CACNA1E: variants seen among roughly 807,000 people sequenced by gnomAD.
CACNA1E encodes voltage-dependent R-type calcium channel subunit alpha-1E.
Under a neutral mutation model 259.2 loss-of-function variants are expected in CACNA1E, and 40 were observed. The observed-to-expected ratio is 0.15, with a 90% confidence interval of 0.12 to 0.20. CACNA1E has a LOEUF of 0.20. CACNA1E is among the 10% of genes least tolerant of loss of function. The probability of loss-of-function intolerance (pLI) is 1.00; values close to 1 mark genes in which losing one functional copy is unlikely to be tolerated. For missense variants in CACNA1E, 1,874 were observed against 3,040.1 expected (o/e 0.62, Z 9.02); for synonymous variants, 1,104 against 1,138.5 (o/e 0.97, Z 0.61).
At chr1:181,750,966 T>C (rs548370800) in intron 26 of CACNA1E, among the ~76,000 whole-genome samples, 9 of 149,894 alleles carry the variant, frequency 6.0e-5, no homozygotes, top group Middle Eastern at 3.4e-3. Context: ...TGGACTTTTA[T>C]CTCCCTGTCA....
chr1:181,755,481 T>G, intron 28 of CACNA1E, 84 bp downstream of exon 28: 1 of 1,035,644 alleles, frequency 9.7e-7, no homozygotes, highest in Admixed American at 1.9e-5. Flanking sequence ...CCACCCTCCC[T>G]CCTTTCTATC....
intron 6 of CACNA1E, among the ~76,000 whole-genome samples, chr1:181,633,737 C>T (rs1656958941): frequency 6.6e-6 from 1 of 152,192 alleles, no homozygotes; most frequent in Admixed American, 6.5e-5. Flanking sequence ...AGTAATCTGC[C>T]TGCCTTGGCC....
chr1:181,643,671 T>C (rs996387299), intron 6 of CACNA1E, among the ~76,000 whole-genome samples: 2 of 152,042 alleles, frequency 1.3e-5, no homozygotes, highest in Non-Finnish European at 2.9e-5. Context: ...CTTTCTGTGC[T>C]CCTCCTCTTT....
chr1:181,484,441 C>T (rs1663600406), intron 1 of CACNA1E, among the ~76,000 whole-genome samples: 1 of 152,362 alleles, frequency 6.6e-6, no homozygotes, highest in East Asian at 1.9e-4. Flanking sequence ...AGACACCGCA[C>T]TGTCTTCCTG....
At chr1:181,566,290 T>A (rs537446295) in intron 3 of CACNA1E, among the ~76,000 whole-genome samples, 1 of 152,336 alleles carries the variant, frequency 6.6e-6, no homozygotes, top group Admixed American at 6.5e-5. Context: ...AGTTTCTCTC[T>A]CTGAACCTTA....
At chr1:181,666,139 G>A (rs1648200628) in intron 7 of CACNA1E, among the ~76,000 whole-genome samples, 1 of 152,064 alleles carries the variant, frequency 6.6e-6, no homozygotes, top group South Asian at 2.1e-4. Flanking sequence ...CTTTTTAAAT[G>A]TTCTCCCTGC....
chr1:181,764,197 C>T (rs928869592), intron 34 of CACNA1E, among the ~76,000 whole-genome samples: 8 of 152,234 alleles, frequency 5.3e-5, no homozygotes, highest in South Asian at 4.2e-4. Flanking sequence ...AGCTGAGACC[C>T]AGACTTTGAG....
At chr1:181,552,498 TC>T (rs1481745462) in intron 3 of CACNA1E, among the ~76,000 whole-genome samples, 1 of 151,996 alleles carries the variant, frequency 6.6e-6, no homozygotes, top group Non-Finnish European at 1.5e-5. Flanking sequence ...TAATCACTGA[TC>T]TTTTTTTTTT....
intron 1 of CACNA1E, among the ~76,000 whole-genome samples, chr1:181,489,150 C>A (rs1664097204): frequency 6.6e-6 from 1 of 152,156 alleles, no homozygotes; most frequent in Non-Finnish European, 1.5e-5. Context: ...TCAATGGTGA[C>A]TCTGCTGATC....
At position 181,733,503 on chromosome 1, in the gene CACNA1E, C is replaced by T. The variant is rs373175706; in HGVS notation, c.3015C>T (p.Pro1005=). The T allele has an allele frequency of 1.5e-5, 24 of 1,601,424 alleles. No homozygotes were observed. The highest frequency in any genetic ancestry group is 1.7e-4 in the Middle Eastern group (1 of 5,982). ...GAGGCCTTGATGAGGCTGACACCCC[C>T]CTAGTCCTGCCCCATCCTGAGCTGG... ...LAGGLDEADT[P]LVLPHPELEV... Residue 1005 remains proline (P), a synonymous_variant, in exon 21 of 48, where the codon CCC becomes CCT. Transcript: ENST00000367573.
At chr1:181,744,392 G>A (rs1269054052) in intron 25 of CACNA1E, among the ~76,000 whole-genome samples, 1 of 152,206 alleles carries the variant, frequency 6.6e-6, no homozygotes, top group Non-Finnish European at 1.5e-5. Context: ...TGAGGTGGGA[G>A]GATTGTTTAA....
chr1:181,449,673 C>T (rs745675761), intron 2 of CACNA1E, among the ~76,000 whole-genome samples: 14 of 152,188 alleles, frequency 9.2e-5, no homozygotes, highest in Admixed American at 3.3e-4. Flanking sequence ...GGAGAGCAGA[C>T]ATCTGGGGCT....
chr1:181,717,854 A>ATCTC (rs1362246354), intron 11 of CACNA1E, among the ~76,000 whole-genome samples: 1 of 152,164 alleles, frequency 6.6e-6, no homozygotes, highest in Non-Finnish European at 1.5e-5. Flanking sequence ...AGCAATGCTG[A>ATCTC]TCTCTTGAGT....
At chr1:181,477,982 T>A (rs1307059989) in intron 2 of CACNA1E, among the ~76,000 whole-genome samples, 2 of 152,246 alleles carry the variant, frequency 1.3e-5, no homozygotes, top group African/African-American at 4.8e-5. Context: ...TGCCTATAAC[T>A]TGACTCTTAA....
intron 1 of CACNA1E, among the ~76,000 whole-genome samples, chr1:181,365,670 G>A (rs1654219128): frequency 6.6e-6 from 1 of 152,216 alleles, no homozygotes; most frequent in African/African-American, 2.4e-5. Context: ...GCCAGGGTCT[G>A]GACAGGGAGG....
chr1:181,523,064 GTAT>G (rs1667106709), intron 3 of CACNA1E, among the ~76,000 whole-genome samples: 1 of 152,210 alleles, frequency 6.6e-6, no homozygotes, highest in African/African-American at 2.4e-5. Context: ...GTTGTGGTGT[GTAT>G]GAGAGACTCA....
At chr1:181,351,561 T>A (rs1653047181) in intron 1 of CACNA1E, among the ~76,000 whole-genome samples, 1 of 152,214 alleles carries the variant, frequency 6.6e-6, no homozygotes, top group Admixed American at 6.5e-5. Context: ...TGGCCAGATG[T>A]CCTCAATTAG....
chr1:181,442,670 A>G (rs1187099400), intron 2 of CACNA1E, among the ~76,000 whole-genome samples: 1 of 152,150 alleles, frequency 6.6e-6, no homozygotes, highest in Non-Finnish European at 1.5e-5. Context: ...ATAATATCCT[A>G]GAAGGAGTTG....
Position 181,369,010 on chromosome 1 carries a change from A to G in CACNA1E, c.-14-44123A>G, listed in dbSNP as rs963169728. Among the ~76,000 whole-genome samples, 5 of 152,216 alleles carry G rather than the reference A, an allele frequency of 3.3e-5. No individual in the cohort carries two copies. The South Asian group carries it at 6.2e-4, about 19-fold the overall frequency. ...CTAGGATTTGTATGAATGATGTTCT[A>G]TCAGGAGGATGGCTATGCTAGAAGA... On this transcript the variant is annotated intron_variant, in intron 1 of 11. Transcript: ENST00000524607.
Sources: gnomAD v4.1 joint callset for allele counts (sites outside exome capture counted in the v4.1 genomes callset) on GRCh38, gnomAD v4.1.1 for gene constraint, MANE v1.5 for transcripts, NCBI Gene and HGNC (gene_info 2026-07-23, HGNC 2026-07-21) for gene names.